GSN: variants seen among roughly 807,000 people sequenced by gnomAD.
GSN encodes the protein actin-depolymerizing factor.
A neutral mutation model predicts 85.7 loss-of-function variants in GSN; 56 were observed. That is an observed-to-expected ratio of 0.65 (90% CI 0.53 to 0.82). The LOEUF (loss-of-function observed/expected upper bound fraction) is 0.82, where lower values mean the gene tolerates loss of function less well. Among genes scored for constraint, GSN ranks in the 40% least tolerant of loss-of-function variants. The probability of loss-of-function intolerance (pLI) is 0.00; values close to 1 mark genes in which losing one functional copy is unlikely to be tolerated. For synonymous variants in GSN, 373 were observed against 399.1 expected (o/e 0.93, Z 0.78); for missense variants, 857 against 979.8 (o/e 0.87, Z 1.67).
At chr9:121,269,286 A>G (rs2055554171) in intron 1 of GSN, among the ~76,000 whole-genome samples, 1 of 152,160 alleles carries the variant, frequency 6.6e-6, no homozygotes, top group African/African-American at 2.4e-5. Flanking sequence ...TGCCGTTTAC[A>G]GCGACCATAG....
chr9:121,303,230 C>T (rs576398568), intron 4 of GSN, among the ~76,000 whole-genome samples, 165 bp downstream of exon 4: 1 of 152,198 alleles, frequency 6.6e-6, no homozygotes, highest in Middle Eastern at 3.2e-3. Context: ...CTCTTTCTAG[C>T]CATGTGAGCT....
In GSN at chr9:121,332,294, C is replaced by T; in HGVS notation, c.2027-140C>T. 1 of 812,568 alleles carries T rather than the reference C, an allele frequency of 1.2e-6. No homozygotes were observed. Among genetic ancestry groups the T allele is most frequent in the African/African-American group, 1.7e-5 (1 of 59,794 alleles). The allele number at this position is 812,568 out of a possible 1,614,324, so 50.3% of individuals were successfully genotyped here. ...TCATGCCTTTAAAGGAGGATGGTGC[C>T]CAGGGCAGGGGGTGGGCAGTAGGGA... On this transcript the variant is annotated intron_variant, in intron 17 of 17. Transcript: ENST00000432226. This position sits in a 1 kb window ranked among gnomAD's most constrained non-coding sequence, Gnocchi z 4.8.
At chr9:121,283,407 C>T (rs1045637422) in intron 2 of GSN, 1 of 153,988 alleles carries the variant, frequency 6.5e-6, no homozygotes, top group African/African-American at 2.4e-5. Context: ...AAGTGATTCT[C>T]CTGCCTCAGC....
chr9:121,319,301 G>T (rs1312191879), intron 10 of GSN, among the ~76,000 whole-genome samples: 1 of 152,010 alleles, frequency 6.6e-6, no homozygotes. Flanking sequence ...GGCATTCCAG[G>T]AGGGACTCGC....
intron 14 of GSN, among the ~76,000 whole-genome samples, chr9:121,327,764 G>A (rs1371614168): frequency 2.0e-5 from 3 of 152,190 alleles, no homozygotes; most frequent in South Asian, 2.1e-4. Context: ...ACCTGAGGTC[G>A]GGAGTTCAAG....
intron 4 of GSN, among the ~76,000 whole-genome samples, chr9:121,213,741 CAT>C (rs1434628349): frequency 6.6e-6 from 1 of 152,198 alleles, no homozygotes; most frequent in African/African-American, 2.4e-5. Context: ...AGAGCCCCCA[CAT>C]GTCATGGATG....
At chr9:121,224,269 T>A (rs544094634) in intron 4 of GSN, among the ~76,000 whole-genome samples, 110 of 152,034 alleles carry the variant, frequency 7.2e-4, no homozygotes, top group African/African-American at 2.2e-3. Flanking sequence ...GCTAATTTTT[T>A]AAAAAATTTT....
chr9:121,256,275 C>T (rs1288924581), intron 6 of GSN, among the ~76,000 whole-genome samples: 1 of 152,134 alleles, frequency 6.6e-6, no homozygotes, highest in South Asian at 2.1e-4. Context: ...ATATACCTTG[C>T]AGAAATTACC....
chr9:121,261,366 G>A lies in GSN; in HGVS notation c.-340-3788G>A, dbSNP rs1277295489. 1.3e-5 allele frequency among the ~76,000 whole-genome samples: 2 copies of A among 152,260 alleles called. No homozygotes were observed. The highest frequency in any genetic ancestry group is 1.3e-4 in the Admixed American group (2 of 15,290). On this transcript the variant is annotated intron_variant, in intron 6 of 24. Transcript: ENST00000373823. This position sits in a 1 kb window ranked among gnomAD's most constrained non-coding sequence, Gnocchi z 4.1. ...GTGTCAGTCTCCTGTGTGAGCCTGC[G>A]ACAGCTTCCTCCTGCCCAGTGCCTT... is the stretch of plus-strand genomic sequence containing the variant.
At chr9:121,232,452 G>C (rs889521759) in intron 5 of GSN, among the ~76,000 whole-genome samples, 1 of 152,150 alleles carries the variant, frequency 6.6e-6, no homozygotes, top group African/African-American at 2.4e-5. Context: ...AGGCACTCTT[G>C]GCAGAGTTAC....
chr9:121,260,216 A>C (rs1466523351), intron 6 of GSN, among the ~76,000 whole-genome samples: 1 of 152,176 alleles, frequency 6.6e-6, no homozygotes, highest in South Asian at 2.1e-4. Flanking sequence ...AAAACTCTAG[A>C]CTGCCTGCTT....
intron 5 of GSN, chr9:121,311,210 G>T (rs895698984): frequency 3.6e-5 from 12 of 331,722 alleles, no homozygotes; most frequent in Non-Finnish European, 6.4e-5. Context: ...TGTATACTCG[G>T]GTATGTTGTT....
intron 1 of GSN, among the ~76,000 whole-genome samples, chr9:121,271,946 C>T (rs1213154044): frequency 6.6e-6 from 1 of 152,242 alleles, no homozygotes; most frequent in Non-Finnish European, 1.5e-5. Flanking sequence ...GCCAGGAAAA[C>T]TGGACACTCT....
At chr9:121,256,843 C>T (rs189743434) in intron 6 of GSN, among the ~76,000 whole-genome samples, 21 of 152,048 alleles carry the variant, frequency 1.4e-4, no homozygotes, top group African/African-American at 4.6e-4. Flanking sequence ...GAGCCAAGAT[C>T]GTGCCACTGC....
chr9:121,301,523 G>A (rs1021349817), intron 2 of GSN, among the ~76,000 whole-genome samples: 3 of 151,792 alleles, frequency 2.0e-5, no homozygotes, highest in African/African-American at 7.3e-5. Flanking sequence ...CTACTCAGGA[G>A]GCTGAGGCAG....
At chr9:121,222,944 C>G (rs2054197914) in intron 4 of GSN, 1 of 152,092 alleles carries the variant, frequency 6.6e-6, no homozygotes, top group South Asian at 2.1e-4. Context: ...GTTACTGTTC[C>G]CCTGATTCTT....
chr9:121,316,893 C>T (rs2061774132), intron 7 of GSN, among the ~76,000 whole-genome samples, 193 bp from the exon 8 acceptor site: 1 of 152,178 alleles, frequency 6.6e-6, no homozygotes, highest in Non-Finnish European at 1.5e-5. Flanking sequence ...TGTGTTACCC[C>T]TGCGTGTAGG....
At chr9:121,251,187 C>CTTTTTTTTTTTTTTCTTTTT (rs58231680) in intron 6 of GSN, among the ~76,000 whole-genome samples, 1 of 73,044 alleles carries the variant, frequency 1.4e-5, no homozygotes, top group South Asian at 5.2e-4. Context: ...CTGATGTGTT[C>CTTTTTTTTTTTTTTCTTTTT]TTTTTTTTTT....
chr9:121,285,906 T>C (rs1180673350), intron 2 of GSN, among the ~76,000 whole-genome samples: 1 of 152,186 alleles, frequency 6.6e-6, no homozygotes, highest in African/African-American at 2.4e-5. Flanking sequence ...CCCCCCAAAA[T>C]TGACGGCCTT....
Sources: allele counts gnomAD v4.1 joint callset (sites outside exome capture counted in the v4.1 genomes callset), GRCh38; gene constraint gnomAD v4.1.1; non-coding constraint Gnocchi (gnomAD v3.1); transcripts MANE v1.5; gene names NCBI Gene and HGNC (gene_info 2026-07-23, HGNC 2026-07-21).